MAP3K5: variants seen among roughly 807,000 people sequenced by gnomAD.
The protein encoded by MAP3K5 is ASK-1.
A neutral mutation model predicts 158.7 loss-of-function variants in MAP3K5; 56 were observed. The ratio of observed to expected loss-of-function variants is 0.35; its 90% CI spans 0.28 to 0.44. The LOEUF is 0.44. MAP3K5 is among the 20% of genes least tolerant of loss of function. The pLI is 1.00. For missense variants in MAP3K5, 1,294 were observed against 1,674.8 expected (o/e 0.77, Z 3.97); for synonymous variants, 579 against 601.7 (o/e 0.96, Z 0.55).
chr6:136,622,910 T>C lies in MAP3K5; in HGVS notation c.2088A>G (p.Ala696=), dbSNP rs752488555. 4.3e-6 allele frequency: 7 copies of C among 1,612,644 alleles called. No homozygotes were observed. In the African/African-American group the frequency reaches 9.3e-5, roughly 22 times the overall value. Residue 696 remains alanine, a synonymous_variant, in exon 15 of 30, where the codon GCA becomes GCG. Transcript: ENST00000359015. ...LGKGTYGIVY[A]GRDLSNQVRI... is the part of the protein sequence containing the mutation. Reference sequence around the variant, plus strand: ...TGACTTGGTTGCTCAAGTCCCGACCTGCGTAGACTATCCCATAAGTGCCTT... The same window carrying C: ...TGACTTGGTTGCTCAAGTCCCGACCCGCGTAGACTATCCCATAAGTGCCTT...
intron 1 of MAP3K5, among the ~76,000 whole-genome samples, chr6:136,776,532 A>G (rs1419614674): frequency 1.3e-5 from 2 of 152,350 alleles, no homozygotes; most frequent in East Asian, 3.9e-4. Context: ...GGCATGAGCC[A>G]CTGCACCTGG....
At chr6:136,623,648 TTCA>T (rs1776908508) in intron 14 of MAP3K5, among the ~76,000 whole-genome samples, 2 of 152,108 alleles carry the variant, frequency 1.3e-5, no homozygotes, top group African/African-American at 4.8e-5. Context: ...ACAGAAAGGA[TTCA>T]GTAGAGACCT....
intron 24 of MAP3K5, among the ~76,000 whole-genome samples, chr6:136,582,315 C>T (rs1450071757): frequency 6.8e-6 from 1 of 147,794 alleles, no homozygotes; most frequent in Non-Finnish European, 1.5e-5. Context: ...TGTGTCTGAC[C>T]TGGCCCAAGG....
chr6:136,695,750 G>A (rs879840997), intron 6 of MAP3K5, among the ~76,000 whole-genome samples: 9 of 152,128 alleles, frequency 5.9e-5, no homozygotes, highest in Admixed American at 2.6e-4. Context: ...AACAGTGTGC[G>A]ACTTTTTTTT....
intron 26 of MAP3K5, among the ~76,000 whole-genome samples, chr6:136,563,447 A>G (rs1830603927): frequency 6.6e-6 from 1 of 152,236 alleles, no homozygotes; most frequent in Non-Finnish European, 1.5e-5. Flanking sequence ...TATCTGGCAT[A>G]TAACAAATTC....
At chr6:136,775,564 A>G (rs548533226) in intron 1 of MAP3K5, among the ~76,000 whole-genome samples, 1 of 152,322 alleles carries the variant, frequency 6.6e-6, no homozygotes, top group South Asian at 2.1e-4. Flanking sequence ...TCTTTGGGTA[A>G]CATGCACCTA....
intron 1 of MAP3K5, among the ~76,000 whole-genome samples, chr6:136,779,180 G>C (rs1205893926): frequency 6.6e-6 from 1 of 152,152 alleles, no homozygotes; most frequent in African/African-American, 2.4e-5. Flanking sequence ...CTGGGAGGCA[G>C]AGGTTGCAGT....
At chr6:136,676,670 T>A (rs1377261711) in intron 7 of MAP3K5, among the ~76,000 whole-genome samples, 1 of 152,172 alleles carries the variant, frequency 6.6e-6, no homozygotes. Context: ...AAAAAGCATA[T>A]TGGCTTGAAG....
At chr6:136,632,189 G>T (rs1215551705) in intron 14 of MAP3K5, among the ~76,000 whole-genome samples, 1 of 152,144 alleles carries the variant, frequency 6.6e-6, no homozygotes, top group Admixed American at 6.5e-5. Flanking sequence ...AGCCAGAGGG[G>T]GTGAGAATGT....
Position 136,715,418 on chromosome 6 carries a change from A to C in MAP3K5, c.588+5032T>G, listed in dbSNP as rs199713086. On this transcript the variant is annotated intron_variant, in intron 2 of 29. Transcript: ENST00000359015. ...AAAAAGTACAAAAATTAGCACTCAT[A>C]ATCTACCACCTAGATTTAGAACTAT... 4.6e-5 allele frequency among the ~76,000 whole-genome samples: 7 copies of C among 152,316 alleles called. No individual in the cohort carries two copies. The East Asian group carries it at 9.6e-4, about 21-fold the overall frequency.
intron 1 of MAP3K5, among the ~76,000 whole-genome samples, chr6:136,772,247 A>G (rs1209289113): frequency 6.6e-6 from 1 of 151,228 alleles, no homozygotes; most frequent in Non-Finnish European, 1.5e-5. Context: ...AGGGGGGGGG[A>G]GACCTTAGTC....
At chr6:136,607,679 G>A (rs1206768154) in intron 18 of MAP3K5, among the ~76,000 whole-genome samples, 1 of 152,152 alleles carries the variant, frequency 6.6e-6, no homozygotes, top group African/African-American at 2.4e-5. Context: ...ACCCAGGGAG[G>A]TGGTACAGCT....
intron 11 of MAP3K5, among the ~76,000 whole-genome samples, chr6:136,647,621 A>T (rs1183543450): frequency 6.6e-6 from 1 of 150,794 alleles, no homozygotes; most frequent in East Asian, 1.9e-4. Flanking sequence ...CATATCTCCC[A>T]CCTCCCTCAA....
chr6:136,578,294 T>C (rs1326637107), intron 25 of MAP3K5, among the ~76,000 whole-genome samples: 1 of 152,242 alleles, frequency 6.6e-6, no homozygotes, highest in Non-Finnish European at 1.5e-5. Flanking sequence ...TCTAAGTTTC[T>C]ACACCATGCA....
At chr6:136,697,713 A>G (rs1780663084) in intron 4 of MAP3K5, among the ~76,000 whole-genome samples, 1 of 152,054 alleles carries the variant, frequency 6.6e-6, no homozygotes, top group South Asian at 2.1e-4. Flanking sequence ...ATTGTTCTAA[A>G]TAAATTAGAT....
At chr6:136,710,581 G>A (rs1188618499) in intron 2 of MAP3K5, among the ~76,000 whole-genome samples, 1 of 152,102 alleles carries the variant, frequency 6.6e-6, no homozygotes, top group East Asian at 1.9e-4. Context: ...GTCACCTCAG[G>A]GATAACTAAA....
intron 1 of MAP3K5, among the ~76,000 whole-genome samples, chr6:136,791,161 G>A (rs747282153): frequency 9.2e-5 from 14 of 152,178 alleles, no homozygotes; most frequent in Non-Finnish European, 1.8e-4. Flanking sequence ...CAAAGTCTGG[G>A]TTGGTGAGAG....
intron 1 of MAP3K5, among the ~76,000 whole-genome samples, chr6:136,753,453 A>G (rs934700357): frequency 6.6e-6 from 1 of 152,182 alleles, no homozygotes; most frequent in East Asian, 1.9e-4. Flanking sequence ...TAAATTATAG[A>G]AAGGGAAATT....
chr6:136,602,379 T>C (rs955259063), intron 19 of MAP3K5, among the ~76,000 whole-genome samples: 1 of 152,198 alleles, frequency 6.6e-6, no homozygotes. Flanking sequence ...CTCAGCTCAC[T>C]GCAGTCTCGA....
Sources: allele counts gnomAD v4.1 joint callset (sites outside exome capture counted in the v4.1 genomes callset), GRCh38; gene constraint gnomAD v4.1.1; transcripts MANE v1.5; gene names NCBI Gene and HGNC (gene_info 2026-07-23, HGNC 2026-07-21).